WDFY4: variants seen among roughly 807,000 people sequenced by gnomAD.
WDFY4 encodes the protein WDFY family member 4.
A neutral mutation model predicts 351.9 loss-of-function variants in WDFY4; 169 were observed. The ratio of observed to expected loss-of-function variants is 0.48; its 90% CI spans 0.42 to 0.55. WDFY4 has a LOEUF of 0.55. Ranked by LOEUF, WDFY4 falls within the 20% of genes least tolerant of loss-of-function variation. The probability of loss-of-function intolerance (pLI) is 0.00; values close to 1 mark genes in which losing one functional copy is unlikely to be tolerated. For missense variants in WDFY4, 3,803 were observed against 3,935.6 expected (o/e 0.97, Z 0.90); for synonymous variants, 1,622 against 1,574.6 (o/e 1.03, Z -0.71).
chr10:48,781,134 C>A (rs1244259003), intron 19 of WDFY4, among the ~76,000 whole-genome samples: 1 of 151,872 alleles, frequency 6.6e-6, no homozygotes, highest in Non-Finnish European at 1.5e-5. Flanking sequence ...ATTCTTAGTC[C>A]CAAATTCTGT....
At chr10:48,771,962 G>A (rs2065878771) in intron 13 of WDFY4, among the ~76,000 whole-genome samples, 1 of 152,214 alleles carries the variant, frequency 6.6e-6, no homozygotes. Flanking sequence ...AGATTATTCA[G>A]GTAGTGCATT....
intron 47 of WDFY4, among the ~76,000 whole-genome samples, chr10:48,912,301 A>G (rs946871682): frequency 2.6e-5 from 4 of 152,222 alleles, no homozygotes; most frequent in African/African-American, 9.6e-5. Context: ...TACGTTCTCC[A>G]TGTGCTGCCT....
chr10:48,851,220 G>T (rs2068946843), intron 39 of WDFY4, among the ~76,000 whole-genome samples: 1 of 152,158 alleles, frequency 6.6e-6, no homozygotes, highest in South Asian at 2.1e-4. Context: ...ATGCCGAGGT[G>T]CTGCAAGACT....
intron 11 of WDFY4, among the ~76,000 whole-genome samples, chr10:48,740,223 G>A (rs1268928973): frequency 2.0e-5 from 3 of 152,142 alleles, no homozygotes; most frequent in South Asian, 2.1e-4. Flanking sequence ...CATGTGTCAC[G>A]TGACCAGGCA....
intron 13 of WDFY4, among the ~76,000 whole-genome samples, chr10:48,772,509 G>A (rs1262583774): frequency 8.7e-5 from 13 of 149,364 alleles, no homozygotes; most frequent in Non-Finnish European, 1.5e-4. Context: ...ACCTAGTGGA[G>A]GGCAGTTCTT....
intron 12 of WDFY4, among the ~76,000 whole-genome samples, chr10:48,744,246 C>G (rs2064943156): frequency 6.6e-6 from 1 of 152,198 alleles, no homozygotes; most frequent in Non-Finnish European, 1.5e-5. Flanking sequence ...TTCCATTCCT[C>G]TAAAGCATAA....
rs180879847 is a variant in WDFY4, at chr10:48,813,366, T to G, written c.5215-591T>G. On this transcript the variant is annotated intron_variant, in intron 30 of 61. Transcript: ENST00000325239. ...CATTGATACCCTGAGTTTTTATTTC[T>G]CTAACATATCTCAGGAAACAGATGT... Among the ~76,000 whole-genome samples the G allele has an allele frequency of 2.8e-3, 427 of 152,364 alleles. 2 individuals are homozygous for G. Among genetic ancestry groups the G allele is most frequent in the African/African-American group, 9.6e-3 (398 of 41,586 alleles).
chr10:48,828,923 T>TGGGGGGGG (rs1397306879), intron 37 of WDFY4, 27 bp downstream of exon 37: 1 of 4,978 alleles, frequency 2.0e-4, no homozygotes, highest in Non-Finnish European at 4.7e-4. Context: ...ATTGTGTGTG[T>TGGGGGGGG]GGGCGGGGGG....
chr10:48,744,247 T>C (rs1360662872), intron 12 of WDFY4, among the ~76,000 whole-genome samples: 1 of 152,206 alleles, frequency 6.6e-6, no homozygotes, highest in Admixed American at 6.5e-5. Context: ...TCCATTCCTC[T>C]AAAGCATAAA....
intron 23 of WDFY4, among the ~76,000 whole-genome samples, chr10:48,792,757 A>G (rs2066725583): frequency 6.6e-6 from 1 of 152,200 alleles, no homozygotes; most frequent in African/African-American, 2.4e-5. Context: ...TCACATCAAG[A>G]ACTACTACAT....
chr10:48,852,176 C>T (rs558776534), intron 39 of WDFY4, among the ~76,000 whole-genome samples: 3 of 152,270 alleles, frequency 2.0e-5, no homozygotes, highest in African/African-American at 7.2e-5. Flanking sequence ...GACAACTTTC[C>T]AGGGCACAAA....
intron 23 of WDFY4, among the ~76,000 whole-genome samples, chr10:48,794,966 A>G (rs570428476): frequency 3.1e-4 from 47 of 152,312 alleles, no homozygotes; most frequent in African/African-American, 1.1e-3. Context: ...GCATAAAGCT[A>G]CAGGGATTAG....
At chr10:48,746,931 TC>T (rs1360143763) in intron 12 of WDFY4, among the ~76,000 whole-genome samples, 2 of 152,222 alleles carry the variant, frequency 1.3e-5, no homozygotes, top group East Asian at 3.8e-4. Flanking sequence ...TATAAAATAT[TC>T]TTTGGATTTA....
chr10:48,931,808 C>T (rs1840027174), intron 47 of WDFY4, among the ~76,000 whole-genome samples: 1 of 152,230 alleles, frequency 6.6e-6, no homozygotes, highest in African/African-American at 2.4e-5. Context: ...GCACTAGACA[C>T]TGCCTCCAAT....
chr10:48,805,124 T>C, intron 25 of WDFY4, 136 bp from the exon 26 acceptor site: 1 of 1,078,672 alleles, frequency 9.3e-7, no homozygotes, highest in South Asian at 1.7e-5. Flanking sequence ...GACGGCATCT[T>C]GACAAATTGC....
chr10:48,760,282 C>T, intron 12 of WDFY4, 65 bp from the exon 13 acceptor site: 1 of 1,401,254 alleles, frequency 7.1e-7, no homozygotes, highest in Non-Finnish European at 9.9e-7. Context: ...ATCCAGGAAG[C>T]TCAGTGAAAA....
At chr10:48,798,190 T>A (rs2066937461) in intron 24 of WDFY4, among the ~76,000 whole-genome samples, 1 of 152,188 alleles carries the variant, frequency 6.6e-6, no homozygotes, top group Non-Finnish European at 1.5e-5. Flanking sequence ...CTTTGTATAA[T>A]ATAGATCAAG....
chr10:48,773,471 C>T (rs552650468), intron 13 of WDFY4, among the ~76,000 whole-genome samples: 3 of 152,228 alleles, frequency 2.0e-5, no homozygotes, highest in East Asian at 1.9e-4. Context: ...AGGATAATTC[C>T]AAAGATTTAT....
intron 12 of WDFY4, among the ~76,000 whole-genome samples, chr10:48,752,594 G>C (rs190510915): frequency 1.3e-5 from 2 of 152,330 alleles, no homozygotes; most frequent in African/African-American, 4.8e-5. Flanking sequence ...GGATTAAACT[G>C]TTCAGGATAA....
Sources: gnomAD v4.1 joint callset for allele counts (sites outside exome capture counted in the v4.1 genomes callset) on GRCh38, gnomAD v4.1.1 for gene constraint, MANE v1.5 for transcripts, NCBI Gene and HGNC (gene_info 2026-07-23, HGNC 2026-07-21) for gene names.